The following B3GALT5 variants were observed in gnomAD, a reference collection of about 807,000 sequenced individuals.
B3GALT5 encodes beta-1,3-galactosyltransferase 5.
For missense variants in B3GALT5, 328 were observed against 396.6 expected (o/e 0.83, Z 1.47); for synonymous variants, 156 against 158.6 (o/e 0.98, Z 0.12).
intron 2 of B3GALT5, among the ~76,000 whole-genome samples, chr21:39,650,857 CA>C (rs931628399): frequency 1.6e-3 from 225 of 140,926 alleles, no homozygotes; most frequent in African/African-American, 2.1e-3. Context: ...ATGTATTTTA[CA>C]AAAAAAAAAA....
chr21:39,661,266 TC>T lies in B3GALT5; in HGVS notation c.710del (p.Pro237HisfsTer17), dbSNP rs1338605430. 6.2e-7 allele frequency: 1 copy of T among 1,614,010 alleles called. No individual in the cohort carries two copies. Among genetic ancestry groups the T allele is most frequent in the Non-Finnish European group, 8.5e-7 (1 of 1,180,042 alleles). Reference protein sequence around the residue: ...ASQVYNVSKSVPYIKLEDVFV... With the variant: ...ASQVYNVSKSXPYIKLEDVFV... ...CAGGTGTACAATGTCTCCAAGAGCG[TC>T]CCATACATTAAACTGGAAGACGTGT... On this transcript the variant is annotated frameshift_variant, in exon 4 of 4. Coordinates refer to ENST00000684187, the MANE Select transcript of B3GALT5 (RefSeq NM_001356336.2). LOFTEE classifies it low-confidence loss of function (END_TRUNC). The surrounding 1 kb of genome is among the most constrained non-coding windows in gnomAD (Gnocchi z 4.7).
rs886121389 is a variant in B3GALT5 at position 39,660,411 on chromosome 21, G to C, written c.1-149G>C. The stretch of plus-strand genomic sequence containing the variant: ...AGATGTTAGACCTTTGTGCTTAACT[G>C]TTTAACCACACAGCACCCGACTTCT... On this transcript the variant is annotated intron_variant, in intron 3 of 3. Coordinates refer to ENST00000684187, the MANE Select transcript of B3GALT5 (RefSeq NM_001356336.2). 3 of 550,734 alleles carry C rather than the reference G, an allele frequency of 5.4e-6. No homozygotes were observed. The East Asian group carries it at 9.3e-5, about 17-fold the overall frequency. 34.1% of individuals were successfully genotyped at this position (550,734 alleles called of 1,614,324 possible).
chr21:39,661,137 A>G lies in B3GALT5; in HGVS notation c.578A>G (p.Gln193Arg). The change falls in exon 4 of 4, where the codon CAG becomes CGG. Residue 193 changes from glutamine to arginine, a missense_variant. Coordinates refer to ENST00000684187, the MANE Select transcript of B3GALT5 (RefSeq NM_001356336.2). The surrounding 1 kb of genome is among the most constrained non-coding windows in gnomAD (Gnocchi z 4.7). The part of the protein sequence containing the change: ...FLKLNEFPIR[Q>R]PFSKWFVSKS... ...AAACTCAATGAGTTTCCCATCAGGC[A>G]GCCATTCAGCAAGTGGTTTGTCAGT... 1 of 1,614,062 alleles carries G rather than the reference A, an allele frequency of 6.2e-7. No individual in the cohort carries two copies. Among genetic ancestry groups the G allele is most frequent in the Non-Finnish European group, 8.5e-7 (1 of 1,179,922 alleles).
At chr21:39,658,619 A>G (rs1225668696) in intron 2 of B3GALT5, among the ~76,000 whole-genome samples, 1 of 152,164 alleles carries the variant, frequency 6.6e-6, no homozygotes, top group African/African-American at 2.4e-5. Context: ...AAAGAAAAGT[A>G]AAGGAAGGAA....
At chr21:39,632,585 G>C (rs1384237775) in intron 1 of B3GALT5, among the ~76,000 whole-genome samples, 3 of 152,174 alleles carry the variant, frequency 2.0e-5, no homozygotes, top group Non-Finnish European at 2.9e-5. Context: ...CAAAGGAAAT[G>C]GCCCCCATTT....
At chr21:39,617,930 G>A (rs915136880) in intron 1 of B3GALT5, among the ~76,000 whole-genome samples, 2 of 151,974 alleles carry the variant, frequency 1.3e-5, no homozygotes, top group African/African-American at 4.8e-5. Flanking sequence ...TTGAGCCCAA[G>A]AGTTTGATAC....
At chr21:39,650,542 A>G (rs2079384737) in intron 2 of B3GALT5, among the ~76,000 whole-genome samples, 1 of 152,184 alleles carries the variant, frequency 6.6e-6, no homozygotes. Flanking sequence ...GCTGAGAAAG[A>G]AACCATTCCT....
At chr21:39,618,833 C>G (rs906143401) in intron 1 of B3GALT5, among the ~76,000 whole-genome samples, 1 of 152,026 alleles carries the variant, frequency 6.6e-6, no homozygotes, top group African/African-American at 2.4e-5. Context: ...TAAGAAGAAG[C>G]TTTTCATCTT....
chr21:39,654,924 T>A (rs112907903), intron 2 of B3GALT5, among the ~76,000 whole-genome samples: 68 of 152,372 alleles, frequency 4.5e-4, no homozygotes, highest in African/African-American at 1.6e-3. Flanking sequence ...TAACTTTAAA[T>A]GCACTGGGAG....
At chr21:39,639,287 GCTCTTT>G (rs1214571349) in intron 1 of B3GALT5, among the ~76,000 whole-genome samples, 98 of 124,812 alleles carry the variant, frequency 7.9e-4, no homozygotes, top group Non-Finnish European at 1.3e-3. Flanking sequence ...CAGGCATCTG[GCTCTTT>G]CTTTCTTTCT....
At chr21:39,644,281 G>C (rs904291605) in intron 1 of B3GALT5, among the ~76,000 whole-genome samples, 2 of 152,174 alleles carry the variant, frequency 1.3e-5, no homozygotes, top group African/African-American at 2.4e-5. Context: ...TGAAGATAAG[G>C]TATTTGTTTA....
intron 1 of B3GALT5, among the ~76,000 whole-genome samples, chr21:39,640,529 C>T (rs1467319061): frequency 6.6e-6 from 1 of 152,186 alleles, no homozygotes; most frequent in Non-Finnish European, 1.5e-5. Context: ...ACCTGTAAGG[C>T]AGTCAGTATT....
At chr21:39,616,368 C>T (rs772613864) in intron 1 of B3GALT5, among the ~76,000 whole-genome samples, 1 of 152,156 alleles carries the variant, frequency 6.6e-6, no homozygotes, top group African/African-American at 2.4e-5. Flanking sequence ...CGTTCCGTCT[C>T]CTTGTCATTG....
intron 2 of B3GALT5, among the ~76,000 whole-genome samples, chr21:39,647,306 G>T (rs1011031628): frequency 2.0e-5 from 3 of 152,180 alleles, no homozygotes; most frequent in Admixed American, 2.0e-4. Context: ...ATGGCTTCGT[G>T]TAGCACAATT....
intron 1 of B3GALT5, among the ~76,000 whole-genome samples, chr21:39,644,704 A>G (rs760895963): frequency 5.9e-5 from 9 of 152,122 alleles, no homozygotes; most frequent in Non-Finnish European, 1.3e-4. Context: ...TTAAACTCCT[A>G]CTGTGTGCCA....
chr21:39,660,767 T>C lies in B3GALT5; in HGVS notation c.208T>C (p.Leu70=), dbSNP rs560082851. ...GCTGGTGACCTCATCCCACAAACAG[T>C]TGGCTGAGCGCATGGCCATCCGGCA... ...VLLVTSSHKQ[L]AERMAIRQTW... The change falls in exon 4 of 4, where the codon TTG becomes CTG. Residue 70 remains leucine (L), a synonymous_variant. Coordinates refer to ENST00000684187, the MANE Select transcript of B3GALT5 (RefSeq NM_001356336.2). The C allele has an allele frequency of 2.6e-4, 412 of 1,556,686 alleles. 5 individuals carry two copies. In the South Asian group the frequency reaches 4.9e-3, roughly 19 times the overall value.
In B3GALT5 at chr21:39,661,514, G is replaced by A. The variant is rs373768451; in HGVS notation, c.*22G>A. The A allele has an allele frequency of 6.8e-5, 101 of 1,488,832 alleles. No individual in the cohort carries two copies. The East Asian group carries it at 9.7e-4, about 14-fold the overall frequency. 92.2% of individuals were successfully genotyped at this position (1,488,832 alleles called of 1,614,324 possible). ...CTGAGGGGAGCCCAGAGGCACATCC[G>A]GACAAGTTTCAGATAACCCGTGGGG... is the stretch of plus-strand genomic sequence containing the variant. On this transcript the variant is annotated 3_prime_UTR_variant, in exon 4 of 4. Coordinates refer to ENST00000684187, the MANE Select transcript of B3GALT5 (RefSeq NM_001356336.2). This position sits in a 1 kb window ranked among gnomAD's most constrained non-coding sequence, Gnocchi z 4.7.
intron 1 of B3GALT5, among the ~76,000 whole-genome samples, chr21:39,620,959 C>A (rs2123685035): frequency 6.6e-6 from 1 of 152,220 alleles, no homozygotes; most frequent in African/African-American, 2.4e-5. Context: ...ACCTCAAGGG[C>A]AATGTTTAAT....
chr21:39,661,477 T>G lies in B3GALT5; in HGVS notation c.918T>G (p.Asp306Glu), dbSNP rs760852174. ...WQALENSRGEDCPPV is the reference protein window; with the variant it reads ...WQALENSRGEECPPV ...CTCTAGAGAATTCCCGGGGGGAAGA[T>G]TGTCCGCCTGTCTGAGGGGAGCCCA... Residue 306 changes from aspartate (D) to glutamate (E), a missense_variant, in exon 4 of 4, where the codon GAT (aspartate) becomes GAG (glutamate). Asp to Glu is a conservative substitution (Grantham distance 45, BLOSUM62 2). Transcript: ENST00000684187. The surrounding 1 kb of genome is among the most constrained non-coding windows in gnomAD (Gnocchi z 4.7). 1 of 1,509,128 alleles carries G rather than the reference T, an allele frequency of 6.6e-7. No individual in the cohort carries two copies. The highest frequency in any genetic ancestry group is 8.8e-7 in the Non-Finnish European group (1 of 1,130,136). 93.5% of individuals were successfully genotyped at this position (1,509,128 alleles called of 1,614,324 possible).
Sources: gnomAD v4.1 joint callset for allele counts (sites outside exome capture counted in the v4.1 genomes callset) on GRCh38, gnomAD v4.1.1 for gene constraint, Gnocchi (gnomAD v3.1) non-coding constraint, MANE v1.5 for transcripts, NCBI Gene and HGNC (gene_info 2026-07-23, HGNC 2026-07-21) for gene names.